Variants in NTM observed in about 807,000 individuals in gnomAD.
NTM encodes the protein IgLON family member 2.
Under a neutral mutation model 42.1 loss-of-function variants are expected in NTM, and 13 were observed. The observed-to-expected ratio is 0.31, with a 90% CI of 0.20 to 0.49. NTM has a LOEUF of 0.49. NTM is among the 20% of genes least tolerant of loss of function. NTM has a pLI of 0.99. For synonymous variants in NTM, 187 were observed against 179.2 expected (o/e 1.04, Z -0.35); for missense variants, 373 against 452.8 (o/e 0.82, Z 1.60).
intron 1 of NTM, among the ~76,000 whole-genome samples, chr11:131,904,052 G>T (rs1415057217): frequency 1.2e-4 from 19 of 152,112 alleles, no homozygotes; most frequent in Non-Finnish European, 2.8e-4. Flanking sequence ...AGGTCTTCTG[G>T]TTTACAAAAT....
intron 1 of NTM, among the ~76,000 whole-genome samples, chr11:131,406,680 A>T (rs965149219): frequency 6.6e-5 from 10 of 152,262 alleles, no homozygotes; most frequent in Non-Finnish European, 1.3e-4. Context: ...TACTGTAATA[A>T]AAGTAATATA....
chr11:131,501,818 G>GT (rs1479192440), intron 1 of NTM, among the ~76,000 whole-genome samples: 1 of 152,114 alleles, frequency 6.6e-6, no homozygotes, highest in African/African-American at 2.4e-5. Context: ...TGGTTGGATG[G>GT]TGACACCATT....
chr11:132,030,436 A>T (rs1421713907), intron 2 of NTM, among the ~76,000 whole-genome samples: 1 of 152,210 alleles, frequency 6.6e-6, no homozygotes, highest in East Asian at 1.9e-4. Context: ...GACTTTATGC[A>T]TGAAAATCGT....
intron 2 of NTM, among the ~76,000 whole-genome samples, chr11:132,047,411 G>T (rs935562307): frequency 6.6e-6 from 1 of 152,270 alleles, no homozygotes; most frequent in Admixed American, 6.5e-5. Context: ...AGGCCAGCCT[G>T]ATGCTGACTC....
intron 2 of NTM, among the ~76,000 whole-genome samples, chr11:131,924,912 A>G (rs531000476): frequency 2.0e-5 from 3 of 152,342 alleles, no homozygotes; most frequent in Admixed American, 2.0e-4. Flanking sequence ...CTGAATCCAG[A>G]CCTAAGCACT....
intron 1 of NTM, among the ~76,000 whole-genome samples, chr11:131,733,978 T>C (rs190396013): frequency 1.3e-5 from 2 of 152,368 alleles, no homozygotes; most frequent in Admixed American, 6.5e-5. Flanking sequence ...GTGTTGTTCA[T>C]AATTTTTTGT....
chr11:132,049,685 T>C (rs560142), intron 2 of NTM, among the ~76,000 whole-genome samples: 55,304 of 152,034 alleles, frequency 0.36, 11,203 homozygotes, highest in East Asian at 0.8. Context: ...ACTGGTGGGA[T>C]GTGACACCTC....
intron 1 of NTM, among the ~76,000 whole-genome samples, chr11:131,862,077 A>C (rs1401034567): frequency 6.6e-6 from 1 of 152,178 alleles, no homozygotes; most frequent in Non-Finnish European, 1.5e-5. Context: ...TCTGAAGGTA[A>C]ATCTACAAGG....
chr11:132,017,234 T>G (rs950188246), intron 2 of NTM, among the ~76,000 whole-genome samples: 3 of 152,044 alleles, frequency 2.0e-5, no homozygotes, highest in Non-Finnish European at 4.4e-5. Context: ...TGAAGATTTT[T>G]CTTCTACATT....
chr11:131,716,437 A>C (rs2077696032), intron 1 of NTM, among the ~76,000 whole-genome samples: 1 of 152,204 alleles, frequency 6.6e-6, no homozygotes, highest in African/African-American at 2.4e-5. Context: ...TTAGCTTTTA[A>C]GAAATTCCCT....
intron 2 of NTM, among the ~76,000 whole-genome samples, chr11:132,016,321 C>T (rs2073402063): frequency 6.6e-6 from 1 of 151,806 alleles, no homozygotes; most frequent in South Asian, 2.1e-4. Flanking sequence ...CAGAAAGTTC[C>T]CTTGTGGCTA....
chr11:131,603,816 A>C (rs2060691833), intron 1 of NTM, among the ~76,000 whole-genome samples: 1 of 152,162 alleles, frequency 6.6e-6, no homozygotes, highest in African/African-American at 2.4e-5. Context: ...TCTTCCACTT[A>C]GCATCGTTTT....
chr11:131,830,375 C>A (rs2042665796), intron 1 of NTM, among the ~76,000 whole-genome samples: 1 of 152,128 alleles, frequency 6.6e-6, no homozygotes, highest in African/African-American at 2.4e-5. Flanking sequence ...AAGTTTCATC[C>A]TTCTGTATAT....
chr11:131,512,051 C>G (rs560705858), intron 1 of NTM, among the ~76,000 whole-genome samples: 1 of 152,200 alleles, frequency 6.6e-6, no homozygotes, highest in East Asian at 1.9e-4. Context: ...AGGGTCTAGA[C>G]AGGTAAGCAC....
chr11:131,509,654 A>C (rs1397828681), intron 1 of NTM, among the ~76,000 whole-genome samples: 2 of 152,222 alleles, frequency 1.3e-5, no homozygotes, highest in Non-Finnish European at 2.9e-5. Flanking sequence ...TAAAAATCTA[A>C]GTGATTTCTT....
intron 1 of NTM, among the ~76,000 whole-genome samples, chr11:131,808,728 T>A (rs1003849714): frequency 1.4e-4 from 22 of 152,074 alleles, no homozygotes; most frequent in Non-Finnish European, 2.2e-4. Context: ...TGCAAAGCTT[T>A]GACAAGTCAT....
rs964105636 is a variant in NTM at position 131,873,443 on chromosome 11, G to T, written c.83-38121G>T. ...CTTAAAACCTAGATGATGGGTTGAT[G>T]GGTGCAGCAAATCACCAGGGCACAT... is the stretch of plus-strand genomic sequence containing the variant. On this transcript the variant is annotated intron_variant, in intron 1 of 8. Transcript: ENST00000683400. Among the ~76,000 whole-genome samples, 6 of 151,400 alleles carry T rather than the reference G, an allele frequency of 4.0e-5. No individual in the cohort carries two copies. In the South Asian group the frequency reaches 1.3e-3, roughly 32 times the overall value.
At chr11:132,043,632 C>T (rs956157452) in intron 2 of NTM, among the ~76,000 whole-genome samples, 14 of 152,212 alleles carry the variant, frequency 9.2e-5, no homozygotes, top group African/African-American at 3.4e-4. Flanking sequence ...CGTTATGGCT[C>T]TTGGCCACTG....
At chr11:131,405,381 C>G (rs952226435) in intron 1 of NTM, among the ~76,000 whole-genome samples, 3 of 152,106 alleles carry the variant, frequency 2.0e-5, no homozygotes, top group African/African-American at 7.2e-5. Context: ...GCTGTTTTTC[C>G]CTGAGTCTCC....
Sources: gnomAD v4.1 joint callset for allele counts (sites outside exome capture counted in the v4.1 genomes callset) on GRCh38, gnomAD v4.1.1 for gene constraint, MANE v1.5 for transcripts, NCBI Gene and HGNC (gene_info 2026-07-23, HGNC 2026-07-21) for gene names.